Variants in SEMA5A observed in about 807,000 individuals in gnomAD.
SEMA5A encodes semaphorin-5A.
SEMA5A carries 55 observed loss-of-function variants against 135.5 expected under a neutral mutation model. That is an observed-to-expected ratio of 0.41 (90% CI 0.33 to 0.51). The LOEUF (loss-of-function observed/expected upper bound fraction) is 0.51. SEMA5A is among the 20% of genes least tolerant of loss of function. The pLI, the probability that SEMA5A is intolerant of heterozygous loss-of-function variation, is 0.37. For synonymous variants in SEMA5A, 580 were observed against 546.5 expected, an observed-to-expected ratio of 1.06 and a Z score of -0.85; for missense variants, 1,290 against 1,419.9, an observed-to-expected ratio of 0.91 and a Z score of 1.47.
At chr5:9,515,134 G>C (rs539188765) in intron 1 of SEMA5A, among the ~76,000 whole-genome samples, 3 of 152,268 alleles carry the variant, frequency 2.0e-5, no homozygotes, top group African/African-American at 7.2e-5. Flanking sequence ...AAATCATTTG[G>C]CAACTCAGTC....
intron 16 of SEMA5A, among the ~76,000 whole-genome samples, chr5:9,092,152 C>T (rs1412819067): frequency 1.3e-5 from 2 of 152,170 alleles, no homozygotes; most frequent in Non-Finnish European, 2.9e-5. Flanking sequence ...AGCGATGCCT[C>T]ATACTCATGG....
At chr5:9,323,607 G>A (rs1752729419) in intron 4 of SEMA5A, among the ~76,000 whole-genome samples, 1 of 146,554 alleles carries the variant, frequency 6.8e-6, no homozygotes, top group African/African-American at 2.5e-5. Context: ...TTATTTGTTT[G>A]ATTTTTAAGG....
At chr5:9,252,073 C>T (rs1579714708) in intron 5 of SEMA5A, among the ~76,000 whole-genome samples, 1 of 152,296 alleles carries the variant, frequency 6.6e-6, no homozygotes, top group East Asian at 1.9e-4. Context: ...CAGGATCTCC[C>T]AGATTCCTAA....
chr5:9,047,431 G>T (rs78406464), intron 21 of SEMA5A, among the ~76,000 whole-genome samples: 12 of 152,284 alleles, frequency 7.9e-5, no homozygotes, highest in Admixed American at 7.8e-4. Flanking sequence ...ACATTTTTCT[G>T]CATGGGGAAA....
chr5:9,167,344 C>T (rs762650598), intron 11 of SEMA5A, among the ~76,000 whole-genome samples: 3 of 152,124 alleles, frequency 2.0e-5, no homozygotes, highest in Non-Finnish European at 2.9e-5. Flanking sequence ...TCAGGCGTAC[C>T]GCATGCAACT....
At position 9,052,039 on chromosome 5, in the gene SEMA5A, CA is replaced by C; in HGVS notation, c.2690-12del. Reference sequence around the variant, plus strand: ...ACTCCGACCAGCTCTCTGCAGAGACCAGAAAAGGGGAGATGGGGCGGAATGG... The same window carrying C: ...ACTCCGACCAGCTCTCTGCAGAGACCGAAAAGGGGAGATGGGGCGGAATGG... On this transcript the variant is annotated splice_polypyrimidine_tract_variant and intron_variant, in intron 19 of 22. Transcript: ENST00000382496. 6.3e-7 allele frequency: 1 copy of C among 1,576,890 alleles called. No individual in the cohort carries two copies. Among genetic ancestry groups the C allele is most frequent in the Non-Finnish European group, 8.6e-7 (1 of 1,159,926 alleles).
At chr5:9,508,161 T>A (rs1736007087) in intron 1 of SEMA5A, among the ~76,000 whole-genome samples, 1 of 152,144 alleles carries the variant, frequency 6.6e-6, no homozygotes, top group Non-Finnish European at 1.5e-5. Flanking sequence ...TTTATCACCC[T>A]GCATTCCACA....
chr5:9,402,454 C>T (rs915507372), intron 2 of SEMA5A, among the ~76,000 whole-genome samples: 5 of 152,112 alleles, frequency 3.3e-5, no homozygotes, highest in Non-Finnish European at 7.3e-5. Flanking sequence ...GAAAGAGTTA[C>T]TAATCTTCGG....
At chr5:9,426,446 T>TAAAATAAAATAAAATAAAATAAAAC (rs1267042624) in intron 2 of SEMA5A, among the ~76,000 whole-genome samples, 32 of 147,784 alleles carry the variant, frequency 2.2e-4, no homozygotes, top group African/African-American at 8.0e-4. Context: ...TAAAATAAAA[T>TAAAATAAAATAAAATAAAATAAAAC]AAAATAAAAT....
chr5:9,239,254 T>C (rs919416029), intron 5 of SEMA5A, among the ~76,000 whole-genome samples: 2 of 152,202 alleles, frequency 1.3e-5, no homozygotes, highest in Admixed American at 6.5e-5. Context: ...TTTGTCAGTG[T>C]CAACATCTGA....
chr5:9,112,028 C>A (rs1291104080), intron 15 of SEMA5A, among the ~76,000 whole-genome samples: 1 of 152,234 alleles, frequency 6.6e-6, no homozygotes, highest in Non-Finnish European at 1.5e-5. Flanking sequence ...CAACACACTG[C>A]AGACTTTTAG....
chr5:9,132,040 T>G (rs1432580267), intron 13 of SEMA5A, among the ~76,000 whole-genome samples: 2 of 152,240 alleles, frequency 1.3e-5, no homozygotes, highest in Non-Finnish European at 2.9e-5. Context: ...ATTTTACTGA[T>G]GCACTTCAAA....
intron 13 of SEMA5A, among the ~76,000 whole-genome samples, chr5:9,135,923 G>A (rs531567402): frequency 6.6e-6 from 1 of 152,294 alleles, no homozygotes; most frequent in African/African-American, 2.4e-5. Context: ...CATGAAATGT[G>A]CTTTTCTTGG....
chr5:9,207,116 A>ATATATATATATATATATG lies in SEMA5A; in HGVS notation c.647-4877_647-4876insCATATATATATATATATA, dbSNP rs1554003366. On this transcript the variant is annotated intron_variant, in intron 8 of 22. Coordinates refer to ENST00000382496, the MANE Select transcript of SEMA5A (RefSeq NM_003966.3). Reference sequence around the variant, plus strand: ...AATGATCAAGTGTATATATATATATATATATATATATATATATAAAGCTTA... The same window carrying ATATATATATATATATATG: ...AATGATCAAGTGTATATATATATATATATATATATATATATATGTATATATATATATATATAAAGCTTA... Among the ~76,000 whole-genome samples, 573 of 135,244 alleles carry ATATATATATATATATATG rather than the reference A, an allele frequency of 4.2e-3. 9 individuals carry two copies. Among genetic ancestry groups the ATATATATATATATATATG allele is most frequent in the Middle Eastern group, 0.02 (5 of 250 alleles). 88.7% of individuals were successfully genotyped at this position (135,244 alleles called of 152,430 possible).
chr5:9,135,979 G>C (rs1485966984), intron 13 of SEMA5A, among the ~76,000 whole-genome samples: 1 of 152,184 alleles, frequency 6.6e-6, no homozygotes, highest in African/African-American at 2.4e-5. Context: ...TCATTCCATA[G>C]AGTCCTCTAT....
chr5:9,255,386 G>A (rs1749011302), intron 5 of SEMA5A, among the ~76,000 whole-genome samples: 2 of 152,158 alleles, frequency 1.3e-5, no homozygotes, highest in Non-Finnish European at 2.9e-5. Flanking sequence ...TAAGGATGAG[G>A]ACCCTCATGT....
intron 3 of SEMA5A, among the ~76,000 whole-genome samples, chr5:9,366,664 A>C (rs1022687766): frequency 1.3e-5 from 2 of 152,246 alleles, no homozygotes; most frequent in African/African-American, 4.8e-5. Flanking sequence ...CTGGGATTAC[A>C]GGCGTGAGCC....
chr5:9,530,268 T>C (rs1000743287), intron 1 of SEMA5A, among the ~76,000 whole-genome samples: 4 of 152,230 alleles, frequency 2.6e-5, no homozygotes, highest in African/African-American at 9.6e-5. Context: ...TGCTTACACA[T>C]GGTTGCTTGT....
At chr5:9,118,932 A>C (rs1244715109) in intron 15 of SEMA5A, 66 bp downstream of exon 15, 69 of 1,573,242 alleles carry the variant, frequency 4.4e-5, no homozygotes, top group Non-Finnish European at 5.9e-5. Flanking sequence ...ACCGCGGGGA[A>C]CTCGACCTGG....
Sources: gnomAD v4.1 joint callset for allele counts (sites outside exome capture counted in the v4.1 genomes callset) on GRCh38, gnomAD v4.1.1 for gene constraint, MANE v1.5 for transcripts, NCBI Gene and HGNC (gene_info 2026-07-23, HGNC 2026-07-21) for gene names.